The following ATP2B2 variants were observed in gnomAD, a reference collection of about 807,000 sequenced individuals.
The protein encoded by ATP2B2 is plasma membrane calcium-transporting ATPase 2.
Under a neutral mutation model 120.0 loss-of-function variants are expected in ATP2B2, and 15 were observed. That is an observed-to-expected ratio of 0.12 (90% CI 0.08 to 0.19). The LOEUF is 0.19. ATP2B2 is among the 10% of genes least tolerant of loss of function. ATP2B2 has a pLI of 1.00. For missense variants in ATP2B2, 1,045 were observed against 1,719.8 expected, an observed-to-expected ratio of 0.61 and a Z score of 6.94; for synonymous variants, 694 against 700.3, an observed-to-expected ratio of 0.99 and a Z score of 0.14.
intron 1 of ATP2B2, among the ~76,000 whole-genome samples, chr3:10,662,344 T>A (rs1360852875): frequency 1.3e-5 from 2 of 151,170 alleles, no homozygotes; most frequent in African/African-American, 2.5e-5. Context: ...CCTACTCATC[T>A]GACAAAGGGC....
chr3:10,360,916 C>T (rs751411982), intron 12 of ATP2B2, among the ~76,000 whole-genome samples: 2 of 152,184 alleles, frequency 1.3e-5, no homozygotes, highest in African/African-American at 2.4e-5. Flanking sequence ...GGTCACCTCT[C>T]TCTTCCCCCG....
intron 1 of ATP2B2, among the ~76,000 whole-genome samples, chr3:10,702,101 C>T (rs1006846610): frequency 2.6e-5 from 4 of 152,032 alleles, no homozygotes; most frequent in Non-Finnish European, 5.9e-5. Context: ...GTGGGCTTCC[C>T]GCTACCCAGA....
intron 1 of ATP2B2, among the ~76,000 whole-genome samples, chr3:10,489,304 T>G (rs2065847382): frequency 6.6e-6 from 1 of 152,198 alleles, no homozygotes; most frequent in Non-Finnish European, 1.5e-5. Context: ...GAATGCAAGC[T>G]CCACAGGGCA....
chr3:10,430,434 A>T (rs963705640), intron 2 of ATP2B2, among the ~76,000 whole-genome samples: 2 of 152,184 alleles, frequency 1.3e-5, no homozygotes, highest in African/African-American at 4.8e-5. Flanking sequence ...GTTGATTCCA[A>T]CCCTCATGGA....
intron 1 of ATP2B2, among the ~76,000 whole-genome samples, chr3:10,624,665 A>C (rs1479291582): frequency 6.6e-6 from 1 of 152,242 alleles, no homozygotes; most frequent in African/African-American, 2.4e-5. Context: ...CCTGCTTGTC[A>C]GTCAAACATC....
intron 2 of ATP2B2, among the ~76,000 whole-genome samples, chr3:10,539,971 C>A (rs575934147): frequency 6.6e-6 from 1 of 151,850 alleles, no homozygotes; most frequent in African/African-American, 2.4e-5. Context: ...TCTACCCATC[C>A]GAAAAAGGGC....
intron 1 of ATP2B2, among the ~76,000 whole-genome samples, chr3:10,498,710 G>C (rs1284284011): frequency 3.3e-5 from 5 of 152,196 alleles, no homozygotes; most frequent in Non-Finnish European, 7.3e-5. Context: ...AGCTTGCAGA[G>C]ACCTGCTTTC....
rs539944141 is a variant in ATP2B2, at chr3:10,628,484, C to T, written c.-459-8523G>A. 1.7e-4 allele frequency among the ~76,000 whole-genome samples: 26 copies of T among 152,140 alleles called. No individual in the cohort carries two copies. In the South Asian group the frequency reaches 4.1e-3, roughly 24 times the overall value. ...CTAGGACATCCTCTGCCTCCTTTCG[C>T]AGCTCTCTCCTAATGCCCTAAAGCT... On this transcript the variant is annotated intron_variant, in intron 1 of 21. Coordinates refer to the ATP2B2 transcript ENST00000646379.
intron 1 of ATP2B2, among the ~76,000 whole-genome samples, chr3:10,470,763 C>G (rs996315449): frequency 6.6e-6 from 1 of 152,122 alleles, no homozygotes; most frequent in African/African-American, 2.4e-5. Context: ...GGGACAGGAC[C>G]CCACTTCCCA....
chr3:10,549,219 G>A (rs778260911), intron 2 of ATP2B2, among the ~76,000 whole-genome samples: 30 of 152,282 alleles, frequency 2.0e-4, no homozygotes, highest in Middle Eastern at 3.4e-3. Flanking sequence ...GCATCACTAG[G>A]TAAGGTCAGA....
chr3:10,520,629 C>T (rs1290952227), intron 3 of ATP2B2, among the ~76,000 whole-genome samples: 1 of 152,018 alleles, frequency 6.6e-6, no homozygotes, highest in Non-Finnish European at 1.5e-5. Context: ...ACCACCACAC[C>T]CAGCTAATTT....
intron 2 of ATP2B2, among the ~76,000 whole-genome samples, chr3:10,446,398 A>G (rs1157821236): frequency 2.6e-5 from 4 of 152,172 alleles, no homozygotes; most frequent in Non-Finnish European, 5.9e-5. Context: ...CTGGGGCTGA[A>G]TCCTACCACA....
intron 2 of ATP2B2, among the ~76,000 whole-genome samples, chr3:10,556,203 A>G (rs1291664375): frequency 6.6e-6 from 1 of 152,206 alleles, no homozygotes; most frequent in Non-Finnish European, 1.5e-5. Context: ...CTTGGCCAGA[A>G]GCCCATTTTA....
intron 2 of ATP2B2, among the ~76,000 whole-genome samples, chr3:10,616,195 C>G (rs543503463): frequency 2.6e-5 from 4 of 152,284 alleles, no homozygotes; most frequent in African/African-American, 9.6e-5. Flanking sequence ...TAACACCTGC[C>G]ACTTCAGAAT....
Position 10,340,649 on chromosome 3 carries a change from G to C in ATP2B2, c.2973C>G (p.Pro991=), listed in dbSNP as rs754244855. ...SGRNAPLHSP[P]SEHYTIIFNT... Reference sequence around the variant, plus strand: ...TGAAGATGATGGTGTAATGTTCTGAGGGTGGCGAATGCAGGGGCGCGTTCC... The same window carrying C: ...TGAAGATGATGGTGTAATGTTCTGACGGTGGCGAATGCAGGGGCGCGTTCC... Residue 991 remains proline (P), a synonymous_variant, in exon 20 of 23, where the codon CCC becomes CCG. Coordinates refer to ENST00000360273, the MANE Select transcript of ATP2B2 (RefSeq NM_001001331.4). The surrounding 1 kb of genome is among the most constrained non-coding windows in gnomAD (Gnocchi z 5.0). 9.9e-6 allele frequency: 16 copies of C among 1,614,246 alleles called. No individual in the cohort carries two copies. Among genetic ancestry groups the C allele is most frequent in the South Asian group, 5.5e-5 (5 of 91,084 alleles).
chr3:10,439,299 T>A (rs2063577471), intron 2 of ATP2B2, among the ~76,000 whole-genome samples: 2 of 152,312 alleles, frequency 1.3e-5, no homozygotes, highest in South Asian at 4.1e-4. Context: ...ATTTTCCAGA[T>A]GGGGAGGCTG....
intron 2 of ATP2B2, among the ~76,000 whole-genome samples, chr3:10,583,490 G>A (rs779462879): frequency 6.6e-6 from 1 of 152,228 alleles, no homozygotes; most frequent in South Asian, 2.1e-4. Flanking sequence ...CTTTACCTGG[G>A]ACCTCTCTCA....
At chr3:10,484,427 C>T (rs538365024) in intron 1 of ATP2B2, among the ~76,000 whole-genome samples, 18 of 152,186 alleles carry the variant, frequency 1.2e-4, no homozygotes, top group African/African-American at 4.1e-4. Flanking sequence ...CCTGGGGATG[C>T]CCTCAGTGTC....
Position 10,340,360 on chromosome 3 carries a change from CA to C in ATP2B2, c.3130-12del. ...CTGCACGATCACTATCTGGAGGTCA[CA>C]GGGGAGCAGAGAAAGAGAGAGAGAG... On this transcript the variant is annotated splice_polypyrimidine_tract_variant and intron_variant, in intron 20 of 22. Transcript: ENST00000360273. This position sits in a 1 kb window ranked among gnomAD's most constrained non-coding sequence, Gnocchi z 5.0. 6.2e-7 allele frequency: 1 copy of C among 1,613,822 alleles called. No homozygotes were observed. The highest frequency in any genetic ancestry group is 8.5e-7 in the Non-Finnish European group (1 of 1,179,782).
Sources: gnomAD v4.1 joint callset for allele counts (sites outside exome capture counted in the v4.1 genomes callset) on GRCh38, gnomAD v4.1.1 for gene constraint, Gnocchi (gnomAD v3.1) non-coding constraint, MANE v1.5 for transcripts, NCBI Gene and HGNC (gene_info 2026-07-23, HGNC 2026-07-21) for gene names.